MORC1: variants seen among roughly 807,000 people sequenced by gnomAD.
MORC1 encodes MORC family CW-type zinc finger 1.
Under a neutral mutation model 134.9 loss-of-function variants are expected in MORC1, and 59 were observed. The observed-to-expected ratio is 0.44, with a 90% confidence interval of 0.35 to 0.54. MORC1 has a LOEUF of 0.54. Ranked by LOEUF, MORC1 falls within the 20% of genes least tolerant of loss-of-function variation. MORC1 has a pLI of 0.00. For synonymous variants in MORC1, 395 were observed against 391.7 expected, an observed-to-expected ratio of 1.01 and a Z score of -0.10; for missense variants, 947 against 1,134.5, an observed-to-expected ratio of 0.83 and a Z score of 2.37.
In MORC1 at chr3:109,099,444, C is replaced by T. The variant is rs781262820; in HGVS notation, c.337G>A (p.Asp113Asn). 3.1e-6 allele frequency: 5 copies of T among 1,612,092 alleles called. No individual in the cohort carries two copies. The highest frequency in any genetic ancestry group is 4.2e-6 in the Non-Finnish European group (5 of 1,179,334). The change falls in exon 6 of 28, where the codon GAC becomes AAC. Residue 113 changes from aspartate to asparagine, a missense_variant. Coordinates refer to ENST00000232603, the MANE Select transcript of MORC1 (RefSeq NM_014429.4). ...LKSGSMRIGK[D>N]FILFTKKEET... ...TCCTTCTTCGTAAAAAGAATAAAGT[C>T]TTTTCCAATTCTCATGGACCCACTA...
intron 6 of MORC1, among the ~76,000 whole-genome samples, chr3:109,098,458 C>G (rs1006966411): frequency 6.6e-6 from 1 of 152,136 alleles, no homozygotes. Flanking sequence ...TCCTGTCACC[C>G]AGCTCCACCC....
chr3:109,086,796 T>C (rs903337542), intron 8 of MORC1, among the ~76,000 whole-genome samples: 15 of 152,080 alleles, frequency 9.9e-5, no homozygotes, highest in African/African-American at 3.1e-4. Context: ...TTTTCAGATG[T>C]TGGTAAAATA....
At chr3:109,086,853 ATTATC>A (rs1950624459) in intron 8 of MORC1, among the ~76,000 whole-genome samples, 1 of 152,070 alleles carries the variant, frequency 6.6e-6, no homozygotes, top group Non-Finnish European at 1.5e-5. Context: ...AATTTTCTGT[ATTATC>A]TTTAAAACTT....
chr3:109,117,859 G>T, intron 1 of MORC1, 136 bp downstream of exon 1: 1 of 768,370 alleles, frequency 1.3e-6, no homozygotes, highest in South Asian at 1.7e-5. Context: ...TTTAAAAAAA[G>T]CCTATACAGC....
Position 108,984,697 on chromosome 3 carries a change from A to T in MORC1, c.2324+19T>A. 6.5e-7 allele frequency: 1 copy of T among 1,548,990 alleles called. No homozygotes were observed. Among genetic ancestry groups the T allele is most frequent in the South Asian group, 1.2e-5 (1 of 85,898 alleles). On this transcript the variant is annotated intron_variant, in intron 23 of 27. Coordinates refer to ENST00000232603, the MANE Select transcript of MORC1 (RefSeq NM_014429.4). ...ATAATTGCACTCACTTGGAATTTGTATAACTGTAGTACACTCACCTTTTCC... is the reference window on the plus strand; with the variant it reads ...ATAATTGCACTCACTTGGAATTTGTTTAACTGTAGTACACTCACCTTTTCC...
chr3:108,984,778 T>C lies in MORC1; in HGVS notation c.2262A>G (p.Lys754=), dbSNP rs759250853. ...KKEIPLLNQE[K]QELCNDVLAM... ...CTAGAACATCATTGCACAGCTCCTG[T>C]TTTTCTTCAAAAGAACATAGACAAA... The change falls in exon 23 of 28, where the codon AAA becomes AAG. Residue 754 remains lysine, a synonymous_variant. Coordinates refer to ENST00000232603, the MANE Select transcript of MORC1 (RefSeq NM_014429.4). The C allele has an allele frequency of 6.2e-7, 1 of 1,604,402 alleles. No individual in the cohort carries two copies.
intron 26 of MORC1, among the ~76,000 whole-genome samples, chr3:108,967,500 A>G (rs1172288165): frequency 6.6e-6 from 1 of 152,194 alleles, no homozygotes; most frequent in East Asian, 1.9e-4. Context: ...ACGCCAACCC[A>G]TCTACCACAC....
chr3:109,105,670 C>T (rs1409330124), intron 3 of MORC1, among the ~76,000 whole-genome samples: 1 of 101,228 alleles, frequency 9.9e-6, no homozygotes, highest in Admixed American at 1.2e-4. Context: ...CAGAGAGAGA[C>T]CCTGTCTCAA....
At chr3:108,962,155 C>A (rs1947097204) in intron 27 of MORC1, among the ~76,000 whole-genome samples, 1 of 151,992 alleles carries the variant, frequency 6.6e-6, no homozygotes, top group African/African-American at 2.4e-5. Context: ...AATACAATTA[C>A]CTTTATATAA....
chr3:109,099,679 T>A (rs781341879), intron 5 of MORC1, among the ~76,000 whole-genome samples: 6 of 152,162 alleles, frequency 3.9e-5, no homozygotes, highest in Admixed American at 2.0e-4. Flanking sequence ...GAGGTTTGGC[T>A]GCAGGGGAAA....
At chr3:109,013,844 TA>T (rs1948755383) in intron 17 of MORC1, among the ~76,000 whole-genome samples, 1 of 152,120 alleles carries the variant, frequency 6.6e-6, no homozygotes, top group Non-Finnish European at 1.5e-5. Context: ...ATGAATGGAT[TA>T]ATGCCAATTA....
intron 17 of MORC1, among the ~76,000 whole-genome samples, chr3:109,022,035 C>T (rs938742849): frequency 2.6e-5 from 4 of 152,156 alleles, no homozygotes; most frequent in South Asian, 2.1e-4. Context: ...TATCCCTCTT[C>T]GAAAAGCAAT....
intron 3 of MORC1, among the ~76,000 whole-genome samples, chr3:109,104,604 T>A (rs928968670): frequency 6.6e-6 from 1 of 152,136 alleles, no homozygotes; most frequent in Non-Finnish European, 1.5e-5. Flanking sequence ...GGCAAGAGGA[T>A]CACTTGAGGC....
At chr3:109,088,517 A>G (rs192936788) in intron 8 of MORC1, among the ~76,000 whole-genome samples, 23 of 152,084 alleles carry the variant, frequency 1.5e-4, no homozygotes, top group Admixed American at 8.5e-4. Context: ...AAAACCTACC[A>G]TCTCACACCA....
rs963616633 is a variant in MORC1, at chr3:109,040,221, C to T, written c.1331-4753G>A. ...GCAAAAAAAGAAATCACAAGTCATA[C>T]GTAGAAACAGGAAAGTATGGCACAT... On this transcript the variant is annotated intron_variant, in intron 14 of 27. Coordinates refer to ENST00000232603, the MANE Select transcript of MORC1 (RefSeq NM_014429.4). 2.4e-4 allele frequency among the ~76,000 whole-genome samples: 37 copies of T among 151,266 alleles called. 1 individual carries two copies. The highest frequency in any genetic ancestry group is 1.9e-4 in the East Asian group (1 of 5,166).
chr3:109,011,384 T>C (rs1033812320), intron 17 of MORC1, among the ~76,000 whole-genome samples: 1 of 152,246 alleles, frequency 6.6e-6, no homozygotes, highest in South Asian at 2.1e-4. Context: ...GGTTTTAATT[T>C]GCAGTTCCCT....
intron 23 of MORC1, among the ~76,000 whole-genome samples, chr3:108,983,354 G>A (rs1947803154): frequency 6.6e-6 from 1 of 152,078 alleles, no homozygotes; most frequent in Non-Finnish European, 1.5e-5. Flanking sequence ...GTGAAAAATA[G>A]AGAAAATAAG....
intron 12 of MORC1, among the ~76,000 whole-genome samples, 157 bp downstream of exon 12, chr3:109,059,649 G>T (rs1043266034): frequency 4.6e-5 from 7 of 151,736 alleles, no homozygotes; most frequent in Admixed American, 2.0e-4. Flanking sequence ...TGCTTATCTT[G>T]GTTGTGGGAA....
intron 22 of MORC1, among the ~76,000 whole-genome samples, chr3:108,986,051 C>G (rs1947885194): frequency 1.3e-5 from 2 of 151,998 alleles, no homozygotes; most frequent in Non-Finnish European, 2.9e-5. Flanking sequence ...CAAAAGAGAA[C>G]ATAAAACCAT....
Sources: gnomAD v4.1 joint callset for allele counts (sites outside exome capture counted in the v4.1 genomes callset) on GRCh38, gnomAD v4.1.1 for gene constraint, MANE v1.5 for transcripts, NCBI Gene and HGNC (gene_info 2026-07-23, HGNC 2026-07-21) for gene names.